Variants in TMCO5A observed in about 807,000 individuals in gnomAD.
TMCO5A encodes transmembrane and coiled-coil domains 5A.
A neutral mutation model predicts 42.3 loss-of-function variants in TMCO5A; 34 were observed. That is an observed-to-expected ratio of 0.80 (90% CI 0.61 to 1.07). The LOEUF (loss-of-function observed/expected upper bound fraction) is 1.07, where lower values mean the gene tolerates loss of function less well. TMCO5A is among the 50% of genes least tolerant of loss of function. TMCO5A has a pLI of 0.00. For missense variants in TMCO5A, 357 were observed against 327.9 expected (o/e 1.09, Z -0.69); for synonymous variants, 131 against 115.6 (o/e 1.13, Z -0.86).
the TMCO5A span, among the ~76,000 whole-genome samples, chr15:37,991,344 A>C: frequency 2.6e-5 from 4 of 151,910 alleles, no homozygotes; most frequent in Admixed American, 2.0e-4. Flanking sequence ...AAACATCTTC[A>C]TTTCTCTCTC....
At chr15:37,971,317 T>C (rs1890669555), downstream of TMCO5A, among the ~76,000 whole-genome samples, 1 of 152,144 alleles carries the variant, frequency 6.6e-6, no homozygotes, top group South Asian at 2.1e-4. Flanking sequence ...CCCCTTTTAG[T>C]CACAGCTAGA....
At chr15:38,027,844 A>AT in the TMCO5A span, among the ~76,000 whole-genome samples, 1 of 151,582 alleles carries the variant, frequency 6.6e-6, no homozygotes, top group African/African-American at 2.4e-5. Context: ...CTTGGTTTTC[A>AT]TTTTTCTCCT....
At chr15:37,981,757 G>C in the TMCO5A span, among the ~76,000 whole-genome samples, 1 of 152,224 alleles carries the variant, frequency 6.6e-6, no homozygotes, top group Non-Finnish European at 1.5e-5. Context: ...TATGTAGCAT[G>C]AGGTTACAGC....
At chr15:38,022,832 TAATAA>T in the TMCO5A span, among the ~76,000 whole-genome samples, 1 of 152,116 alleles carries the variant, frequency 6.6e-6, no homozygotes, top group Non-Finnish European at 1.5e-5. Flanking sequence ...TTAAAATCTT[TAATAA>T]AATAACTATG....
At chr15:38,004,328 A>C in the TMCO5A span, among the ~76,000 whole-genome samples, 7 of 152,012 alleles carry the variant, frequency 4.6e-5, no homozygotes, top group African/African-American at 1.7e-4. Flanking sequence ...CCTCAAGCAG[A>C]AGGAAGAAGT....
the TMCO5A span, among the ~76,000 whole-genome samples, chr15:37,976,791 T>C: frequency 1.4e-4 from 19 of 138,082 alleles, no homozygotes; most frequent in Non-Finnish European, 2.0e-4. Flanking sequence ...TTTTTCTTCT[T>C]TCTTTTTTTT....
intron 11 of TMCO5A, among the ~76,000 whole-genome samples, chr15:37,966,298 A>C (rs571518015): frequency 2.2e-4 from 33 of 151,326 alleles, no homozygotes; most frequent in African/African-American, 7.8e-4. Context: ...TTTTTTTTTT[A>C]AGTAAGACCT....
the TMCO5A span, among the ~76,000 whole-genome samples, chr15:38,001,129 C>G: frequency 5.9e-5 from 9 of 151,962 alleles, no homozygotes; most frequent in African/African-American, 2.2e-4. Flanking sequence ...GTATTGGGGT[C>G]TATCTCTCTC....
the TMCO5A span, among the ~76,000 whole-genome samples, chr15:38,007,934 T>C: frequency 0.027 from 3,479 of 127,558 alleles, 71 homozygotes; most frequent in South Asian, 0.041. Context: ...CTCTCTCTGT[T>C]GCCCAGGCTG....
At chr15:37,966,658 C>A (rs532597873) in exon 12 of TMCO5A, 2 of 702,878 alleles carry the variant, frequency 2.8e-6, no homozygotes, top group African/African-American at 1.7e-5. Flanking sequence ...AAGATGGCTG[C>A]CAACAATCCA....
At chr15:38,001,442 T>G in the TMCO5A span, among the ~76,000 whole-genome samples, 3 of 151,880 alleles carry the variant, frequency 2.0e-5, no homozygotes, top group Non-Finnish European at 2.9e-5. Context: ...TCTTGTTTTT[T>G]TTTTTTTTTT....
chr15:38,003,675 C>A, the TMCO5A span, among the ~76,000 whole-genome samples: 1 of 152,054 alleles, frequency 6.6e-6, no homozygotes, highest in Non-Finnish European at 1.5e-5. Context: ...CCCATGGTCA[C>A]CACTGCCCCA....
the TMCO5A span, among the ~76,000 whole-genome samples, chr15:38,005,896 G>A: frequency 6.6e-6 from 1 of 152,192 alleles, no homozygotes; most frequent in Admixed American, 6.5e-5. Flanking sequence ...GAAGACCGAA[G>A]GAACTGAACA....
chr15:38,033,518 A>C, the TMCO5A span, among the ~76,000 whole-genome samples: 1 of 152,062 alleles, frequency 6.6e-6, no homozygotes, highest in Non-Finnish European at 1.5e-5. Flanking sequence ...TTCTCTGAAT[A>C]CCATATTCAT....
At chr15:38,037,515 A>G in the TMCO5A span, among the ~76,000 whole-genome samples, 1 of 152,216 alleles carries the variant, frequency 6.6e-6, no homozygotes, top group Admixed American at 6.5e-5. Context: ...CCTGTACAAT[A>G]GGAAGAGCAA....
chr15:38,008,184 C>T, the TMCO5A span, among the ~76,000 whole-genome samples: 14 of 151,388 alleles, frequency 9.2e-5, no homozygotes, highest in East Asian at 9.9e-4. Context: ...CGTGAGCCAC[C>T]GTGCCCAGCC....
the TMCO5A span, among the ~76,000 whole-genome samples, chr15:37,974,030 T>C: frequency 1.3e-5 from 2 of 152,252 alleles, no homozygotes; most frequent in Admixed American, 6.5e-5. Context: ...CATGTGGTTT[T>C]GGTTTTAGTT....
the TMCO5A span, chr15:38,020,667 T>C: frequency 6.6e-6 from 1 of 152,336 alleles, no homozygotes; most frequent in Non-Finnish European, 1.5e-5. Context: ...TTAATTATGG[T>C]AATCATTGCA....
the TMCO5A span, among the ~76,000 whole-genome samples, chr15:38,028,271 T>G: frequency 6.6e-6 from 1 of 152,218 alleles, no homozygotes; most frequent in East Asian, 1.9e-4. Flanking sequence ...TATTTGAGAT[T>G]GGTGGTGATT....
Sources: gnomAD v4.1 joint callset for allele counts (sites outside exome capture counted in the v4.1 genomes callset) on GRCh38, gnomAD v4.1.1 for gene constraint, MANE v1.5 for transcripts, NCBI Gene and HGNC (gene_info 2026-07-23, HGNC 2026-07-21) for gene names.